Variants in DLGAP1 observed in about 807,000 individuals in gnomAD.
The protein encoded by DLGAP1 is DLG associated protein 1, also known as disks large-associated protein 1.
A neutral mutation model predicts 90.8 loss-of-function variants in DLGAP1; 11 were observed. The ratio of observed to expected loss-of-function variants is 0.12; its 90% CI spans 0.08 to 0.20. DLGAP1 has a LOEUF of 0.20. DLGAP1 is among the 10% of genes least tolerant of loss of function. The probability of loss-of-function intolerance (pLI) is 1.00; values close to 1 mark genes in which losing one functional copy is unlikely to be tolerated. For missense variants in DLGAP1, 1,050 were observed against 1,333.8 expected, an observed-to-expected ratio of 0.79 and a Z score of 3.31; for synonymous variants, 558 against 540.7, an observed-to-expected ratio of 1.03 and a Z score of -0.44.
intron 7 of DLGAP1, among the ~76,000 whole-genome samples, chr18:3,630,937 G>C (rs539713526): frequency 1.4e-4 from 22 of 152,132 alleles, no homozygotes; most frequent in African/African-American, 5.3e-4. Flanking sequence ...TAAGTGAATT[G>C]ACACCTTTCT....
chr18:4,258,864 T>C (rs2078949284), intron 1 of DLGAP1, among the ~76,000 whole-genome samples: 1 of 152,274 alleles, frequency 6.6e-6, no homozygotes, highest in African/African-American at 2.4e-5. Context: ...TGATCTTAAA[T>C]CTTGTGGAAC....
chr18:3,657,757 C>A (rs13381610), intron 7 of DLGAP1, among the ~76,000 whole-genome samples: 2 of 151,816 alleles, frequency 1.3e-5, no homozygotes, highest in Non-Finnish European at 2.9e-5. Flanking sequence ...CGCCCGCCAC[C>A]GCACCCGGCT....
At chr18:3,588,231 G>A (rs1051473346) in intron 7 of DLGAP1, among the ~76,000 whole-genome samples, 6 of 152,164 alleles carry the variant, frequency 3.9e-5, no homozygotes, top group African/African-American at 1.2e-4. Context: ...AGGCTGAGGC[G>A]GCCAGATCAC....
At chr18:4,048,915 CT>C (rs2075093510) in intron 2 of DLGAP1, among the ~76,000 whole-genome samples, 1 of 152,160 alleles carries the variant, frequency 6.6e-6, no homozygotes, top group African/African-American at 2.4e-5. Flanking sequence ...ACATGTAACC[CT>C]TATTCTCACT....
At chr18:4,340,858 A>C (rs478766) in intron 1 of DLGAP1, among the ~76,000 whole-genome samples, 28,786 of 152,130 alleles carry the variant, frequency 0.19, 3,066 homozygotes, top group African/African-American at 0.28. Context: ...GGACACACCT[A>C]AGCAGCTCTC....
chr18:4,144,074 G>A (rs955504935), intron 2 of DLGAP1, among the ~76,000 whole-genome samples: 5 of 152,110 alleles, frequency 3.3e-5, no homozygotes, highest in East Asian at 1.9e-4. Context: ...CTGGTACTGG[G>A]GGAGGGGTGG....
At chr18:3,583,138 T>TGACCGACCGACC (rs879430678) in intron 7 of DLGAP1, among the ~76,000 whole-genome samples, 14 of 138,984 alleles carry the variant, frequency 1.0e-4, no homozygotes, top group African/African-American at 3.8e-4. Context: ...TCTGCCTGAC[T>TGACCGACCGACC]GACCGACCTA....
At chr18:3,957,135 T>C (rs545686526) in intron 3 of DLGAP1, among the ~76,000 whole-genome samples, 35 of 152,268 alleles carry the variant, frequency 2.3e-4, no homozygotes, top group Non-Finnish European at 1.2e-4. Context: ...GGACGATCCA[T>C]GTGGGCCAAT....
intron 3 of DLGAP1, chr18:3,995,163 T>A (rs536075462): frequency 2.7e-4 from 41 of 152,182 alleles, no homozygotes; most frequent in African/African-American, 9.2e-4. Context: ...ATCCTTTTTT[T>A]AGGTAGTGGC....
At chr18:4,382,107 T>C (rs1169045289) in intron 1 of DLGAP1, among the ~76,000 whole-genome samples, 2 of 152,112 alleles carry the variant, frequency 1.3e-5, no homozygotes, top group Non-Finnish European at 2.9e-5. Context: ...TTATGGGAAT[T>C]ACAATACAAG....
chr18:4,352,843 A>G (rs1286340204), intron 1 of DLGAP1, among the ~76,000 whole-genome samples: 1 of 152,162 alleles, frequency 6.6e-6, no homozygotes, highest in Non-Finnish European at 1.5e-5. Flanking sequence ...CTGTATGTGA[A>G]TCCCCGTTAC....
At chr18:3,533,067 G>A (rs574822950) in intron 10 of DLGAP1, among the ~76,000 whole-genome samples, 31 of 152,092 alleles carry the variant, frequency 2.0e-4, no homozygotes, top group Non-Finnish European at 3.2e-4. Flanking sequence ...CGAGGTGGGC[G>A]GATTGCCTGA....
At chr18:3,656,331 A>G in intron 7 of DLGAP1, 1 of 468,830 alleles carries the variant, frequency 2.1e-6, no homozygotes, top group East Asian at 3.3e-5. Context: ...CATTTGGGGA[A>G]ATTTTTCACT....
At chr18:4,304,813 C>T (rs980186940) in intron 1 of DLGAP1, among the ~76,000 whole-genome samples, 3 of 152,064 alleles carry the variant, frequency 2.0e-5, no homozygotes, top group African/African-American at 7.2e-5. Flanking sequence ...CACCTATAAT[C>T]CCAGCTACTT....
intron 1 of DLGAP1, among the ~76,000 whole-genome samples, chr18:4,171,277 T>C (rs555734329): frequency 6.6e-6 from 1 of 152,304 alleles, no homozygotes; most frequent in Admixed American, 6.5e-5. Context: ...GGCTCACACC[T>C]GTAATCCCAG....
At chr18:3,978,492 C>T (rs1482251896) in intron 3 of DLGAP1, 1 of 247,494 alleles carries the variant, frequency 4.0e-6, no homozygotes, top group Non-Finnish European at 8.2e-6. Flanking sequence ...CAGACCATGT[C>T]GTTGAGGTCA....
At chr18:4,260,202 T>G (rs984775563) in intron 1 of DLGAP1, among the ~76,000 whole-genome samples, 6 of 152,220 alleles carry the variant, frequency 3.9e-5, no homozygotes, top group African/African-American at 1.4e-4. Context: ...AATGGTAAAC[T>G]GAGGCACAAT....
chr18:3,833,202 CT>C (rs1568210758), intron 4 of DLGAP1, among the ~76,000 whole-genome samples: 32 of 11,368 alleles, frequency 2.8e-3, no homozygotes, highest in Non-Finnish European at 5.5e-3. Flanking sequence ...TCCTTCCTTC[CT>C]TCCTTCCTTC....
chr18:4,098,453 G>A (rs2075720832), intron 2 of DLGAP1, among the ~76,000 whole-genome samples: 1 of 152,142 alleles, frequency 6.6e-6, no homozygotes, highest in South Asian at 2.1e-4. Flanking sequence ...TAGGAGAGGA[G>A]GCTGTTTCAC....
Sources: gnomAD v4.1 joint callset for allele counts (sites outside exome capture counted in the v4.1 genomes callset) on GRCh38, gnomAD v4.1.1 for gene constraint, MANE v1.5 for transcripts, NCBI Gene and HGNC (gene_info 2026-07-23, HGNC 2026-07-21) for gene names.